The following NTSR1 variants were observed in gnomAD, a reference collection of about 807,000 sequenced individuals.
NTSR1 encodes the protein neurotensin receptor type 1.
In NTSR1, 29 loss-of-function variants were observed where a neutral mutation model predicts 31.2. That is an observed-to-expected ratio of 0.93 (90% confidence interval 0.69 to 1.27). NTSR1 has a LOEUF of 1.27. Among genes scored for constraint, NTSR1 ranks in the 50% most tolerant of loss-of-function variants. The pLI, the probability that NTSR1 is intolerant of heterozygous loss-of-function variation, is 0.00. For missense variants in NTSR1, 697 were observed against 595.4 expected, an observed-to-expected ratio of 1.17 and a Z score of -1.78; for synonymous variants, 282 against 269.9, an observed-to-expected ratio of 1.04 and a Z score of -0.44.
chr20:62,755,340 C>G (rs1989473041), intron 2 of NTSR1, among the ~76,000 whole-genome samples: 4 of 98,104 alleles, frequency 4.1e-5, no homozygotes, highest in Non-Finnish European at 4.3e-5. Flanking sequence ...TCCCTCCATC[C>G]ATCCATCCCT....
intron 1 of NTSR1, among the ~76,000 whole-genome samples, chr20:62,754,066 A>G (rs1031046072): frequency 1.3e-5 from 2 of 152,070 alleles, no homozygotes; most frequent in African/African-American, 4.8e-5. Flanking sequence ...AGCTATGATG[A>G]CCCAGCCTTG....
At position 62,709,248 on chromosome 20, in the gene NTSR1, C is replaced by G. The variant is rs1436346795; in HGVS notation, c.41C>G (p.Pro14Arg). The change falls in exon 1 of 4, where the codon CCG (proline) becomes CGG (arginine). Residue 14 changes from proline to arginine, a missense_variant. Physicochemically the swap from Pro to Arg is moderately radical, Grantham distance 103. Transcript: ENST00000370501. ...NSSAPGTPGT[P>R]AADPFQRAQA... is the part of the protein sequence containing the mutation. ...TCCGCGCCGGGAACCCCGGGCACGC[C>G]GGCCGCCGACCCCTTCCAGCGGGCG... 6.6e-7 allele frequency: 1 copy of G among 1,513,122 alleles called. No homozygotes were observed. The highest frequency in any genetic ancestry group is 8.8e-7 in the Non-Finnish European group (1 of 1,138,076). The allele number at this position is 1,513,122 out of a possible 1,614,324, so 93.7% of individuals were successfully genotyped here.
intron 1 of NTSR1, among the ~76,000 whole-genome samples, chr20:62,734,324 C>T (rs1989050088): frequency 6.6e-6 from 1 of 151,900 alleles, no homozygotes; most frequent in African/African-American, 2.4e-5. Context: ...AATCTTGGCT[C>T]AGCTCTTGGG....
intron 1 of NTSR1, among the ~76,000 whole-genome samples, chr20:62,739,666 C>T (rs560067379): frequency 2.0e-5 from 3 of 152,392 alleles, no homozygotes; most frequent in East Asian, 3.9e-4. Context: ...CCACTGACAC[C>T]GCTGAGATGC....
rs75911895 is a variant in NTSR1, at chr20:62,760,027, T to C, written c.1017T>C (p.Tyr339=). The C allele has an allele frequency of 6.9e-3, 11,102 of 1,613,960 alleles. 277 individuals carry two copies. The highest frequency in any genetic ancestry group is 0.061 in the African/African-American group (4,553 of 75,018). The part of the protein sequence containing the change: ...ISDEQWTPFL[Y]DFYHYFYMVT... Reference sequence around the variant, plus strand: ...CTCTCTCTCCCCGCAGGTTCCTCTATGACTTCTACCACTACTTCTACATGG... The same window carrying C: ...CTCTCTCTCCCCGCAGGTTCCTCTACGACTTCTACCACTACTTCTACATGG... The change falls in exon 4 of 4, where the codon TAT becomes TAC. Residue 339 remains tyrosine (Y), a synonymous_variant. Transcript: ENST00000370501.
Position 62,709,847 on chromosome 20 carries a change from G to A in NTSR1, c.640G>A (p.Ala214Thr), listed in dbSNP as rs569871621. 1.9e-6 allele frequency: 3 copies of A among 1,609,232 alleles called. No individual in the cohort carries two copies. Among genetic ancestry groups the A allele is most frequent in the East Asian group, 2.2e-5 (1 of 44,738 alleles). ...LFTMGEQNRS[A>T]DGQHAGGLVC... Reference sequence around the variant, plus strand: ...CACCATGGGCGAGCAGAACCGCAGCGCCGACGGCCAGCACGCCGGCGGCCT... The same window carrying A: ...CACCATGGGCGAGCAGAACCGCAGCACCGACGGCCAGCACGCCGGCGGCCT... Residue 214 changes from alanine (A) to threonine (T), a missense_variant, in exon 1 of 4, where the codon GCC (alanine) becomes ACC (threonine). Ala to Thr is a moderately conservative substitution (Grantham distance 58, BLOSUM62 0). Coordinates refer to ENST00000370501, the MANE Select transcript of NTSR1 (RefSeq NM_002531.3).
chr20:62,751,758 G>A (rs1187060261), intron 1 of NTSR1, among the ~76,000 whole-genome samples: 1 of 152,254 alleles, frequency 6.6e-6, no homozygotes, highest in East Asian at 1.9e-4. Context: ...GATGGAGGGT[G>A]CACGGCTCCC....
chr20:62,743,817 GC>G lies in NTSR1; in HGVS notation c.715-10865del, dbSNP rs1989247214. On this transcript the variant is annotated intron_variant, in intron 1 of 3. Coordinates refer to ENST00000370501, the MANE Select transcript of NTSR1 (RefSeq NM_002531.3). The surrounding 1 kb of genome is among the most constrained non-coding windows in gnomAD (Gnocchi z 7.5). ...TGCTCTCGAAGAGCGAGGTGAGAACGCCCTGCCTGAGGTCGAGGGGCTGAGG... is the reference window on the plus strand; with the variant it reads ...TGCTCTCGAAGAGCGAGGTGAGAACGCCTGCCTGAGGTCGAGGGGCTGAGG... Among the ~76,000 whole-genome samples, 1 of 152,190 alleles carries G rather than the reference GC, an allele frequency of 6.6e-6. No individual in the cohort carries two copies. Among genetic ancestry groups the G allele is most frequent in the African/African-American group, 2.4e-5 (1 of 41,430 alleles).
At chr20:62,710,909 G>A (rs961507889) in intron 1 of NTSR1, among the ~76,000 whole-genome samples, 4 of 152,286 alleles carry the variant, frequency 2.6e-5, no homozygotes, top group East Asian at 1.9e-4. Flanking sequence ...TGAAGGATCC[G>A]GGCAGAGTCG....
chr20:62,717,878 A>G (rs956782463), intron 1 of NTSR1, among the ~76,000 whole-genome samples: 3 of 152,348 alleles, frequency 2.0e-5, no homozygotes, highest in South Asian at 2.1e-4. Context: ...AGCGAAATAA[A>G]TAGGCACCAT....
chr20:62,747,401 C>A (rs1475515473), intron 1 of NTSR1, among the ~76,000 whole-genome samples: 1 of 136,246 alleles, frequency 7.3e-6, no homozygotes, highest in Non-Finnish European at 1.6e-5. Context: ...TATGACAGAC[C>A]CACAGCTAAC....
intron 1 of NTSR1, among the ~76,000 whole-genome samples, chr20:62,753,222 C>T (rs919190605): frequency 1.2e-4 from 19 of 152,242 alleles, no homozygotes; most frequent in Non-Finnish European, 2.5e-4. Flanking sequence ...AGAGGTGCCT[C>T]AGCCGGTGCC....
At chr20:62,725,127 A>C (rs1988884162) in intron 1 of NTSR1, among the ~76,000 whole-genome samples, 3 of 152,246 alleles carry the variant, frequency 2.0e-5, no homozygotes, top group Admixed American at 2.0e-4. Context: ...TCCCCAAGGC[A>C]CAGGATGGGG....
Position 62,733,417 on chromosome 20 carries a change from C to T in NTSR1, c.715-21268C>T, listed in dbSNP as rs1057010071. ...GCATCTCTCGGGACAGTTGTGTTTC[C>T]CTTGGGCAGGGAGCCACTGGCAGCT... On this transcript the variant is annotated intron_variant, in intron 1 of 3. Transcript: ENST00000370501. The surrounding 1 kb of genome is among the most constrained non-coding windows in gnomAD (Gnocchi z 5.2). 5.9e-5 allele frequency among the ~76,000 whole-genome samples: 9 copies of T among 152,184 alleles called. No homozygotes were observed. The highest frequency in any genetic ancestry group is 1.9e-4 in the African/African-American group (8 of 41,458).
intron 1 of NTSR1, among the ~76,000 whole-genome samples, chr20:62,716,553 C>T (rs1310030798): frequency 6.6e-6 from 1 of 152,174 alleles, no homozygotes; most frequent in African/African-American, 2.4e-5. Context: ...GTTCAAAGCT[C>T]GTGGGGCTGT....
Position 62,744,086 on chromosome 20 carries a change from G to A in NTSR1, c.715-10599G>A, listed in dbSNP as rs1225212840. On this transcript the variant is annotated intron_variant, in intron 1 of 3. Transcript: ENST00000370501. This position sits in a 1 kb window ranked among gnomAD's most constrained non-coding sequence, Gnocchi z 4.1. ...AAATTACACATGCGAGGGGGCAGAG[G>A]CCAGGCTGTCCCTCCCATAGGTCCA... Among the ~76,000 whole-genome samples the A allele has an allele frequency of 1.3e-5, 2 of 152,160 alleles. No homozygotes were observed. Among genetic ancestry groups the A allele is most frequent in the African/African-American group, 2.4e-5 (1 of 41,432 alleles).
At position 62,758,664 on chromosome 20, in the gene NTSR1, G is replaced by T. The variant is rs1989558263; in HGVS notation, c.1007+308G>T. On this transcript the variant is annotated intron_variant, in intron 3 of 3. Coordinates refer to ENST00000370501, the MANE Select transcript of NTSR1 (RefSeq NM_002531.3). The surrounding 1 kb of genome is among the most constrained non-coding windows in gnomAD (Gnocchi z 4.5). ...CTGGCTCTGCTGGGGACATGGTGGG[G>T]GTGTCACCTCCTCATATGGCAGCTG... 6.6e-6 allele frequency among the ~76,000 whole-genome samples: 1 copy of T among 152,094 alleles called. No homozygotes were observed. The highest frequency in any genetic ancestry group is 2.4e-5 in the African/African-American group (1 of 41,408).
At chr20:62,735,036 A>G (rs558411299) in intron 1 of NTSR1, among the ~76,000 whole-genome samples, 1 of 152,298 alleles carries the variant, frequency 6.6e-6, no homozygotes, top group South Asian at 2.1e-4. Flanking sequence ...GCCAGGCACC[A>G]GCCGGTGCTG....
chr20:62,724,559 C>T lies in NTSR1; in HGVS notation c.714+14638C>T, dbSNP rs538599009. ...GATCAGCACAGAGATGCTCAGAAAG[C>T]CTCCAGTTAAAACCAGCGGGGTGGA... On this transcript the variant is annotated intron_variant, in intron 1 of 3. Coordinates refer to ENST00000370501, the MANE Select transcript of NTSR1 (RefSeq NM_002531.3). 3.9e-5 allele frequency among the ~76,000 whole-genome samples: 6 copies of T among 152,370 alleles called. No homozygotes were observed. In the South Asian group the frequency reaches 1.2e-3, roughly 32 times the overall value.
Sources: gnomAD v4.1 joint callset for allele counts (sites outside exome capture counted in the v4.1 genomes callset) on GRCh38, gnomAD v4.1.1 for gene constraint, Gnocchi (gnomAD v3.1) non-coding constraint, MANE v1.5 for transcripts, NCBI Gene and HGNC (gene_info 2026-07-23, HGNC 2026-07-21) for gene names.